Variants in ANO3 observed in about 807,000 individuals in gnomAD.
The protein encoded by ANO3 is anoctamin 3.
A neutral mutation model predicts 144.8 loss-of-function variants in ANO3; 99 were observed. The observed-to-expected ratio is 0.68, with a 90% CI of 0.58 to 0.81. ANO3 has a LOEUF of 0.81. Ranked by LOEUF, ANO3 falls within the 30% of genes least tolerant of loss-of-function variation. The pLI is 0.00. For missense variants in ANO3, 905 were observed against 1,202.2 expected (o/e 0.75, Z 3.66); for synonymous variants, 414 against 392.6 (o/e 1.05, Z -0.64).
chr11:26,517,291 G>A (rs1225621090), intron 6 of ANO3, among the ~76,000 whole-genome samples: 7 of 152,048 alleles, frequency 4.6e-5, no homozygotes, highest in South Asian at 2.1e-4. Flanking sequence ...CATTTTCTTC[G>A]TATGTAAATT....
At chr11:26,533,927 A>G (rs974520706) in intron 8 of ANO3, among the ~76,000 whole-genome samples, 1 of 152,206 alleles carries the variant, frequency 6.6e-6, no homozygotes, top group Non-Finnish European at 1.5e-5. Context: ...AGCATACTAT[A>G]AAGTAAATAC....
chr11:26,352,441 T>C (rs1189547657), intron 1 of ANO3, among the ~76,000 whole-genome samples: 1 of 152,202 alleles, frequency 6.6e-6, no homozygotes, highest in Non-Finnish European at 1.5e-5. Context: ...ATGTAACTCT[T>C]TCCTAGCTTC....
intron 1 of ANO3, among the ~76,000 whole-genome samples, chr11:26,231,355 A>C (rs1852395771): frequency 6.6e-6 from 1 of 152,164 alleles, no homozygotes; most frequent in Non-Finnish European, 1.5e-5. Flanking sequence ...ACTTAAATGA[A>C]ACAGAGGCAG....
intron 5 of ANO3, among the ~76,000 whole-genome samples, chr11:26,513,895 T>A (rs1861761837): frequency 6.6e-6 from 1 of 152,062 alleles, no homozygotes; most frequent in African/African-American, 2.4e-5. Context: ...CTCCAGCCTC[T>A]GGGGAAAATG....
chr11:26,588,395 A>G (rs1196631363), intron 14 of ANO3, among the ~76,000 whole-genome samples: 1 of 152,216 alleles, frequency 6.6e-6, no homozygotes, highest in Admixed American at 6.5e-5. Context: ...GTTGAGATAA[A>G]TAAGCCATTA....
rs149758966 is a variant in ANO3 at position 26,214,650 on chromosome 11, A to T, written c.154+25320A>T. On this transcript the variant is annotated intron_variant, in intron 1 of 27. Coordinates refer to the ANO3 transcript ENST00000672621. ...TTTAGGTTTACAGAAAATTTCAGAA[A>T]ATAGTACAAAGAATCACCACATACA... Among the ~76,000 whole-genome samples, 306 of 152,134 alleles carry T rather than the reference A, an allele frequency of 2.0e-3. 3 individuals are homozygous for T. The highest frequency in any genetic ancestry group is 7.0e-3 in the African/African-American group (289 of 41,546).
At chr11:26,520,522 A>C (rs759868848) in intron 6 of ANO3, among the ~76,000 whole-genome samples, 1 of 152,182 alleles carries the variant, frequency 6.6e-6, no homozygotes, top group Non-Finnish European at 1.5e-5. Context: ...GGAAATTCTC[A>C]TGATTTACCA....
At chr11:26,429,460 T>A (rs1858015648) in intron 1 of ANO3, among the ~76,000 whole-genome samples, 1 of 13,050 alleles carries the variant, frequency 7.7e-5, no homozygotes, top group Non-Finnish European at 1.9e-4. Context: ...ATTCCAAAAG[T>A]TCAAAAAAAA....
At chr11:26,636,329 TG>T (rs1322077868) in intron 20 of ANO3, among the ~76,000 whole-genome samples, 1 of 152,226 alleles carries the variant, frequency 6.6e-6, no homozygotes, top group African/African-American at 2.4e-5. Flanking sequence ...AAAAGTGCTA[TG>T]GTTTGTTTTA....
chr11:26,486,614 A>G (rs1180220290), intron 4 of ANO3, among the ~76,000 whole-genome samples: 4 of 152,198 alleles, frequency 2.6e-5, no homozygotes, highest in Non-Finnish European at 1.5e-5. Context: ...AAGAAGCTAT[A>G]CAAGATACTG....
At position 26,553,300 on chromosome 11, in the gene ANO3, G is replaced by A. The variant is rs765558535; in HGVS notation, c.1341G>A (p.Lys447=). ...TEVFMCPLCD[K]NCSLQRLNDS... ...TCTTTATGTGCCCTCTCTGTGACAA[G>A]AACTGCTCCCTGCAGAGACTCAACG... The change falls in exon 13 of 27, where the codon AAG becomes AAA. Residue 447 remains lysine, a synonymous_variant. Transcript: ENST00000256737. 13 of 1,580,746 alleles carry A rather than the reference G, an allele frequency of 8.2e-6. No individual in the cohort carries two copies. Among genetic ancestry groups the A allele is most frequent in the South Asian group, 2.2e-5 (2 of 90,488 alleles).
intron 1 of ANO3, among the ~76,000 whole-genome samples, chr11:26,275,468 C>T (rs1257318027): frequency 6.6e-6 from 1 of 152,070 alleles, no homozygotes; most frequent in African/African-American, 2.4e-5. Context: ...CTTCTTTTGA[C>T]TAAATGCTGA....
At chr11:26,449,561 C>CT (rs1858843220) in intron 3 of ANO3, among the ~76,000 whole-genome samples, 1 of 151,504 alleles carries the variant, frequency 6.6e-6, no homozygotes, top group Non-Finnish European at 1.5e-5. Context: ...AGAATACACC[C>CT]TGTTTTTGCT....
chr11:26,544,273 T>TATATATATATATACATATATAC, intron 11 of ANO3, among the ~76,000 whole-genome samples: 1 of 58,544 alleles, frequency 1.7e-5, no homozygotes, highest in Non-Finnish European at 3.6e-5. Context: ...TATATATATA[T>TATATATATATATACATATATAC]ACACACATAC....
chr11:26,244,974 GGT>G (rs61543573), intron 1 of ANO3, among the ~76,000 whole-genome samples: 41,061 of 121,344 alleles, frequency 0.34, 6,320 homozygotes, highest in Admixed American at 0.4. Context: ...CTGGTCTCCT[GGT>G]GTGTGTGTGT....
chr11:26,305,707 G>A (rs1045882618), upstream of ANO3, among the ~76,000 whole-genome samples: 5 of 152,054 alleles, frequency 3.3e-5, no homozygotes, highest in Non-Finnish European at 7.3e-5. Context: ...TCATACAAGA[G>A]TTGAATCATT....
chr11:26,374,939 T>C (rs1406004544), intron 1 of ANO3, among the ~76,000 whole-genome samples: 1 of 152,116 alleles, frequency 6.6e-6, no homozygotes, highest in Non-Finnish European at 1.5e-5. Context: ...AGACAGGGTT[T>C]CACCATGTTG....
intron 3 of ANO3, among the ~76,000 whole-genome samples, chr11:26,457,971 T>C (rs1267907273): frequency 6.6e-6 from 1 of 152,124 alleles, no homozygotes; most frequent in African/African-American, 2.4e-5. Flanking sequence ...GGAAGCATCA[T>C]CAAATTAATA....
At chr11:26,642,124 C>G in intron 22 of ANO3, 95 bp downstream of exon 22, 2 of 1,371,518 alleles carry the variant, frequency 1.5e-6, no homozygotes, top group Non-Finnish European at 1.0e-6. Context: ...TTATCTCTTT[C>G]CTTTCCAACC....
Sources: gnomAD v4.1 joint callset for allele counts (sites outside exome capture counted in the v4.1 genomes callset) on GRCh38, gnomAD v4.1.1 for gene constraint, MANE v1.5 for transcripts, NCBI Gene and HGNC (gene_info 2026-07-23, HGNC 2026-07-21) for gene names.